ELMO1: variants seen among roughly 807,000 people sequenced by gnomAD.
ELMO1 encodes the protein engulfment and cell motility 1.
A neutral mutation model predicts 98.9 loss-of-function variants in ELMO1; 26 were observed. The observed-to-expected ratio is 0.26, with a 90% CI of 0.19 to 0.36. ELMO1 has a LOEUF of 0.36. Among genes scored for constraint, ELMO1 ranks in the 10% least tolerant of loss-of-function variants. ELMO1 has a pLI of 1.00. For synonymous variants in ELMO1, 346 were observed against 346.0 expected (o/e 1.00, Z 0.00); for missense variants, 627 against 935.2 (o/e 0.67, Z 4.30).
At chr7:37,055,881 C>T (rs1796368929) in intron 15 of ELMO1, among the ~76,000 whole-genome samples, 1 of 152,166 alleles carries the variant, frequency 6.6e-6, no homozygotes, top group African/African-American at 2.4e-5. Context: ...ATTGTCCTAT[C>T]TGTAGTCTCG....
At chr7:37,428,662 C>T (rs539398165) in intron 1 of ELMO1, among the ~76,000 whole-genome samples, 3 of 152,174 alleles carry the variant, frequency 2.0e-5, no homozygotes, top group African/African-American at 7.2e-5. Context: ...TGCAAAGACC[C>T]AACAGATGAA....
intron 15 of ELMO1, among the ~76,000 whole-genome samples, chr7:37,092,915 CTT>C (rs79327023): frequency 8.4e-4 from 115 of 136,770 alleles, no homozygotes; most frequent in Admixed American, 1.1e-3. Context: ...CTTTCTTTTT[CTT>C]TTTTTTTTTT....
intron 18 of ELMO1, among the ~76,000 whole-genome samples, chr7:36,886,795 C>G (rs548906027): frequency 1.8e-4 from 27 of 152,290 alleles, no homozygotes; most frequent in African/African-American, 6.5e-4. Context: ...TTTTGACATC[C>G]ATTTGAATTT....
At position 37,019,756 on chromosome 7, in the gene ELMO1, A is replaced by G. The variant is rs569704327; in HGVS notation, c.1301-6321T>C. 6.2e-4 allele frequency among the ~76,000 whole-genome samples: 95 copies of G among 152,364 alleles called. 2 individuals are homozygous for G. In the South Asian group the frequency reaches 0.015, roughly 23 times the overall value. On this transcript the variant is annotated intron_variant, in intron 15 of 21. Transcript: ENST00000310758. Reference sequence around the variant, plus strand: ...GACGTTTAAAAACGAAATTGTTTTAATCACACTATTTTTAACACAATGAGA... The same window carrying G: ...GACGTTTAAAAACGAAATTGTTTTAGTCACACTATTTTTAACACAATGAGA...
intron 16 of ELMO1, among the ~76,000 whole-genome samples, chr7:36,960,751 G>A (rs953232844): frequency 3.3e-5 from 5 of 152,086 alleles, no homozygotes; most frequent in African/African-American, 9.7e-5. Flanking sequence ...AAATAGTACT[G>A]TAAAAAGGCA....
At chr7:37,080,206 G>A (rs1178043186) in intron 15 of ELMO1, among the ~76,000 whole-genome samples, 1 of 152,050 alleles carries the variant, frequency 6.6e-6, no homozygotes, top group Non-Finnish European at 1.5e-5. Context: ...CTAACACTCT[G>A]GTTCAGGACA....
chr7:37,046,826 T>A (rs1236409940), intron 15 of ELMO1, among the ~76,000 whole-genome samples: 1 of 152,164 alleles, frequency 6.6e-6, no homozygotes, highest in Non-Finnish European at 1.5e-5. Flanking sequence ...GATTTTTTCT[T>A]AAGGGAACCT....
At chr7:37,049,777 CTTTTTTT>C (rs34896674) in intron 15 of ELMO1, among the ~76,000 whole-genome samples, 2 of 131,064 alleles carry the variant, frequency 1.5e-5, no homozygotes, top group East Asian at 2.2e-4. Context: ...TGTTTTGTTT[CTTTTTTT>C]TTTTTTTTTT....
intron 13 of ELMO1, among the ~76,000 whole-genome samples, chr7:37,154,558 G>C (rs748115918): frequency 2.6e-5 from 4 of 152,182 alleles, no homozygotes; most frequent in Non-Finnish European, 2.9e-5. Context: ...GCGCAAGAAA[G>C]GATATCAGTG....
chr7:37,008,927 T>A lies in ELMO1; in HGVS notation c.1437+4372A>T, dbSNP rs544447229. Among the ~76,000 whole-genome samples the A allele has an allele frequency of 3.9e-5, 6 of 152,334 alleles. 1 individual carries two copies. Among genetic ancestry groups the A allele is most frequent in the African/African-American group, 1.4e-4 (6 of 41,582 alleles). On this transcript the variant is annotated intron_variant, in intron 16 of 21. Transcript: ENST00000310758. Reference sequence around the variant, plus strand: ...GCTTCCCCCGCCACCCCCGATGATTTAATTAATCTGTGGTGCGGTTGGCCG... The same window carrying A: ...GCTTCCCCCGCCACCCCCGATGATTAAATTAATCTGTGGTGCGGTTGGCCG...
intron 5 of ELMO1, among the ~76,000 whole-genome samples, chr7:37,261,104 T>G (rs959693753): frequency 1.3e-5 from 2 of 149,798 alleles, no homozygotes; most frequent in Admixed American, 6.7e-5. Flanking sequence ...TAGTGTTTGA[T>G]GCAGTTGATA....
chr7:37,447,474 G>T (rs962558998), intron 1 of ELMO1, among the ~76,000 whole-genome samples: 1 of 152,022 alleles, frequency 6.6e-6, no homozygotes, highest in African/African-American at 2.4e-5. Flanking sequence ...TCAGAGCTGG[G>T]TCACTACCTG....
intron 5 of ELMO1, among the ~76,000 whole-genome samples, chr7:37,266,238 T>C (rs1423686716): frequency 6.6e-6 from 1 of 151,752 alleles, no homozygotes; most frequent in South Asian, 2.1e-4. Flanking sequence ...GAGAGAAAAA[T>C]TGAAAACCTG....
At position 36,870,433 on chromosome 7, in the gene ELMO1, C is replaced by T; in HGVS notation, c.1865G>A (p.Cys622Tyr). ...GGCACCTTTCTCTTTCATATGAGGG[C>T]AGTCCTTTCCCGTCACCACGGCTTT... ...DIKAVVTGKDCPHMKEKGALK... is the reference protein window; with the variant it reads ...DIKAVVTGKDYPHMKEKGALK... Residue 622 changes from cysteine to tyrosine, a missense_variant, in exon 20 of 22, where the codon TGC becomes TAC. Coordinates refer to ENST00000310758, the MANE Select transcript of ELMO1 (RefSeq NM_014800.11). The surrounding 1 kb of genome is among the most constrained non-coding windows in gnomAD (Gnocchi z 4.4). The T allele has an allele frequency of 6.2e-7, 1 of 1,614,064 alleles. No homozygotes were observed. The highest frequency in any genetic ancestry group is 8.5e-7 in the Non-Finnish European group (1 of 1,179,988).
intron 1 of ELMO1, among the ~76,000 whole-genome samples, chr7:37,444,297 A>T (rs970073207): frequency 1.3e-5 from 2 of 152,238 alleles, no homozygotes; most frequent in African/African-American, 4.8e-5. Context: ...GGAGAAGTTG[A>T]GCAGAGTAAA....
At chr7:37,404,677 A>C (rs1373364931) in intron 1 of ELMO1, among the ~76,000 whole-genome samples, 1 of 152,168 alleles carries the variant, frequency 6.6e-6, no homozygotes, top group Non-Finnish European at 1.5e-5. Context: ...TCTTTGTGGC[A>C]ATGTAGCAAG....
intron 11 of ELMO1, among the ~76,000 whole-genome samples, chr7:37,214,851 A>T (rs1793190886): frequency 6.6e-6 from 1 of 152,160 alleles, no homozygotes; most frequent in African/African-American, 2.4e-5. Context: ...CATCAACAAC[A>T]TCTCATACAA....
intron 8 of ELMO1, among the ~76,000 whole-genome samples, chr7:37,229,378 T>A (rs1046380762): frequency 6.6e-6 from 1 of 152,196 alleles, no homozygotes; most frequent in African/African-American, 2.4e-5. Context: ...TATCAAGGAA[T>A]TCCAAGTTTC....
At chr7:37,020,938 A>C (rs1794230536) in intron 15 of ELMO1, among the ~76,000 whole-genome samples, 1 of 152,226 alleles carries the variant, frequency 6.6e-6, no homozygotes, top group Non-Finnish European at 1.5e-5. Context: ...ACAGCACAGA[A>C]ACTTACATTA....
Sources: allele counts gnomAD v4.1 joint callset (sites outside exome capture counted in the v4.1 genomes callset), GRCh38; gene constraint gnomAD v4.1.1; non-coding constraint Gnocchi (gnomAD v3.1); transcripts MANE v1.5; gene names NCBI Gene and HGNC (gene_info 2026-07-23, HGNC 2026-07-21).